Variants in KAT14 observed in about 807,000 individuals in gnomAD.
KAT14 encodes lysine acetyltransferase 14.
In KAT14, 66 loss-of-function variants were observed where a neutral mutation model predicts 78.4. The ratio of observed to expected loss-of-function variants is 0.84; its 90% CI spans 0.69 to 1.03. KAT14 has a LOEUF of 1.03. Among genes scored for constraint, KAT14 ranks in the 50% least tolerant of loss-of-function variants. The pLI is 0.00. For missense variants in KAT14, 870 were observed against 972.5 expected (o/e 0.89, Z 1.40); for synonymous variants, 344 against 359.4 (o/e 0.96, Z 0.48).
rs1449331994 is a variant in KAT14, at chr20:18,183,296, C to G, written c.1979C>G (p.Pro660Arg). Residue 660 changes from proline to arginine, a missense_variant and splice_region_variant, in exon 9 of 11, where the codon CCT becomes CGT. Coordinates refer to ENST00000688188, the MANE Select transcript of KAT14 (RefSeq NM_001392073.1). ...INSMCQEFFW[P>R]GIDLSECLQY... ...TCCATGTGTCAGGAGTTTTTTTGGC[C>G]TGGTATGTTCCCCCTCCCAAACCAG... The G allele has an allele frequency of 6.2e-7, 1 of 1,612,066 alleles. No individual in the cohort carries two copies. Among genetic ancestry groups the G allele is most frequent in the Non-Finnish European group, 8.5e-7 (1 of 1,178,660 alleles).
At chr20:18,151,960 G>A (rs1031337256) in intron 4 of KAT14, among the ~76,000 whole-genome samples, 6 of 146,196 alleles carry the variant, frequency 4.1e-5, no homozygotes, top group Non-Finnish European at 8.9e-5. Flanking sequence ...CCAAGATTGC[G>A]CCATTGCACT....
chr20:18,163,968 C>T (rs1291861398), intron 7 of KAT14, among the ~76,000 whole-genome samples: 1 of 152,170 alleles, frequency 6.6e-6, no homozygotes, highest in Non-Finnish European at 1.5e-5. Context: ...TTATTTTAGG[C>T]TTTGCCGGCC....
chr20:18,173,587 C>G (rs1240093341), intron 7 of KAT14, among the ~76,000 whole-genome samples: 1 of 150,406 alleles, frequency 6.6e-6, no homozygotes, highest in Non-Finnish European at 1.5e-5. Context: ...ATCTTTTCCT[C>G]TTCTGCACTC....
At chr20:18,183,701 G>A (rs1018171292) in intron 9 of KAT14, 26 of 248,994 alleles carry the variant, frequency 1.0e-4, no homozygotes, top group Admixed American at 6.5e-5. Context: ...TATTAGTACA[G>A]CCAGAAGGTG....
At chr20:18,145,192 T>C in intron 2 of KAT14, 41 bp from the exon 3 acceptor site, 1 of 1,607,352 alleles carries the variant, frequency 6.2e-7, no homozygotes, top group Non-Finnish European at 8.5e-7. Context: ...TTACCGCTGC[T>C]CTAGATAAAC....
At chr20:18,168,902 T>A (rs541296097) in intron 7 of KAT14, among the ~76,000 whole-genome samples, 2 of 152,340 alleles carry the variant, frequency 1.3e-5, no homozygotes, top group South Asian at 4.1e-4. Flanking sequence ...ATTTTTCTTC[T>A]ATTCCTTTCT....
upstream of KAT14, chr20:18,137,832 G>C: frequency 9.7e-7 from 1 of 1,029,162 alleles, no homozygotes; most frequent in South Asian, 2.3e-5. Flanking sequence ...AGCGGCGCAC[G>C]CGACGGCTGG....
At chr20:18,139,194 A>G (rs938329650) in intron 1 of KAT14, among the ~76,000 whole-genome samples, 3 of 152,214 alleles carry the variant, frequency 2.0e-5, no homozygotes, top group Non-Finnish European at 2.9e-5. Context: ...TAACAATGAA[A>G]GGGCACAGGA....
intron 7 of KAT14, among the ~76,000 whole-genome samples, chr20:18,177,475 A>T (rs1173799044): frequency 2.0e-5 from 3 of 152,202 alleles, no homozygotes; most frequent in Non-Finnish European, 4.4e-5. Flanking sequence ...TGATACGAGG[A>T]GCCGCTTAGT....
At chr20:18,153,242 T>A (rs2038111321) in intron 4 of KAT14, among the ~76,000 whole-genome samples, 1 of 152,018 alleles carries the variant, frequency 6.6e-6, no homozygotes, top group African/African-American at 2.4e-5. Flanking sequence ...AGAAGGAGGG[T>A]GACCTGCAGG....
At chr20:18,138,143 C>T (rs898542399) in intron 1 of KAT14, 92 bp downstream of exon 1, 4 of 1,344,634 alleles carry the variant, frequency 3.0e-6, no homozygotes, top group South Asian at 1.8e-5. Context: ...TCCTCAGCTC[C>T]TCTTCGTGTC....
intron 2 of KAT14, 60 bp from the exon 3 acceptor site, chr20:18,145,173 A>C: frequency 6.4e-7 from 1 of 1,573,354 alleles, no homozygotes; most frequent in Non-Finnish European, 8.6e-7. Context: ...AACGGATTAA[A>C]CCTTTAGGTT....
At chr20:18,161,182 A>C (rs535454401) in intron 5 of KAT14, among the ~76,000 whole-genome samples, 44 of 152,186 alleles carry the variant, frequency 2.9e-4, no homozygotes, top group South Asian at 6.2e-4. Context: ...CTCAAAAAAA[A>C]AAAAAAGTAC....
chr20:18,169,730 A>G (rs2038781715), intron 7 of KAT14, among the ~76,000 whole-genome samples: 1 of 152,258 alleles, frequency 6.6e-6, no homozygotes, highest in South Asian at 2.1e-4. Flanking sequence ...ATAAAAAACT[A>G]GAAATGATTA....
chr20:18,147,541 G>A (rs952406399), intron 3 of KAT14, among the ~76,000 whole-genome samples: 1 of 152,118 alleles, frequency 6.6e-6, no homozygotes, highest in Non-Finnish European at 1.5e-5. Flanking sequence ...CTCAGAGTAT[G>A]TAATATTGGC....
intron 7 of KAT14, among the ~76,000 whole-genome samples, chr20:18,163,970 T>C (rs760469529): frequency 4.6e-5 from 7 of 152,238 alleles, no homozygotes; most frequent in Non-Finnish European, 7.3e-5. Flanking sequence ...ATTTTAGGCT[T>C]TGCCGGCCAC....
chr20:18,159,470 A>T (rs2038342128), intron 5 of KAT14, among the ~76,000 whole-genome samples: 1 of 152,244 alleles, frequency 6.6e-6, no homozygotes, highest in Non-Finnish European at 1.5e-5. Context: ...TCAAGCTATC[A>T]GTTTTATAAA....
In KAT14 at chr20:18,184,206, G is replaced by A. The variant is rs566068971; in HGVS notation, c.1982-396G>A. On this transcript the variant is annotated intron_variant, in intron 9 of 10. Coordinates refer to ENST00000688188, the MANE Select transcript of KAT14 (RefSeq NM_001392073.1). Reference sequence around the variant, plus strand: ...GTAAAGGATGTGATAGAACACGCTCGGAGGATCTTTACTTAACCCTGTCAG... The same window carrying A: ...GTAAAGGATGTGATAGAACACGCTCAGAGGATCTTTACTTAACCCTGTCAG... 7.0e-4 allele frequency among the ~76,000 whole-genome samples: 107 copies of A among 152,224 alleles called. 1 individual carries two copies. The highest frequency in any genetic ancestry group is 2.5e-3 in the African/African-American group (104 of 41,530).
chr20:18,185,035 CAT>C (rs2146544656), intron 10 of KAT14, among the ~76,000 whole-genome samples: 1 of 152,256 alleles, frequency 6.6e-6, no homozygotes, highest in Non-Finnish European at 1.5e-5. Flanking sequence ...AGTTTGTGAA[CAT>C]GTGTATAAAT....
Sources: allele counts gnomAD v4.1 joint callset (sites outside exome capture counted in the v4.1 genomes callset), GRCh38; gene constraint gnomAD v4.1.1; transcripts MANE v1.5; gene names NCBI Gene and HGNC (gene_info 2026-07-23, HGNC 2026-07-21).